LARP1: variants seen among roughly 807,000 people sequenced by gnomAD.
LARP1 encodes the protein La ribonucleoprotein 1, translational regulator, also known as la-related protein 1.
Under a neutral mutation model 122.7 loss-of-function variants are expected in LARP1, and 36 were observed. The observed-to-expected ratio is 0.29, with a 90% CI of 0.22 to 0.39. The LOEUF is 0.39. Ranked by LOEUF, LARP1 falls within the 10% of genes least tolerant of loss-of-function variation. LARP1 has a pLI of 1.00. For missense variants in LARP1, 1,040 were observed against 1,403.6 expected (o/e 0.74, Z 4.14); for synonymous variants, 539 against 528.7 (o/e 1.02, Z -0.27).
intron 1 of LARP1, among the ~76,000 whole-genome samples, chr5:154,714,595 G>A (rs1475090505): frequency 6.6e-6 from 1 of 152,194 alleles, no homozygotes; most frequent in African/African-American, 2.4e-5. Flanking sequence ...GACCCTGGGT[G>A]TAAGTCACTT....
chr5:154,814,848 T>G lies in LARP1; in HGVS notation c.*752T>G, dbSNP rs1759558582. On this transcript the variant is annotated 3_prime_UTR_variant, in exon 19 of 19. Transcript: ENST00000518297. ...TATTTTTCTCTGACCTTTCCATCCTTGAAAAAATGGGGAAAAAAGAAGAAA... is the reference window on the plus strand; with the variant it reads ...TATTTTTCTCTGACCTTTCCATCCTGGAAAAAATGGGGAAAAAAGAAGAAA... The G allele has an allele frequency of 6.9e-6, 1 of 144,428 alleles. No individual in the cohort carries two copies. Among genetic ancestry groups the G allele is most frequent in the Non-Finnish European group, 1.5e-5 (1 of 66,718 alleles). 8.9% of individuals were successfully genotyped at this position (144,428 alleles called of 1,614,324 possible). A position where few individuals can be genotyped will look rare whatever the true frequency, so the allele number is the denominator to read the frequency against.
intron 8 of LARP1, among the ~76,000 whole-genome samples, chr5:154,795,992 ATT>A (rs1165091987): frequency 2.0e-5 from 2 of 101,288 alleles, no homozygotes; most frequent in South Asian, 5.3e-4. Context: ...TATATTATAT[ATT>A]TTTATATATA....
chr5:154,751,454 A>G (rs1455773756), upstream of LARP1, among the ~76,000 whole-genome samples: 1 of 152,250 alleles, frequency 6.6e-6, no homozygotes, highest in East Asian at 1.9e-4. Flanking sequence ...GAGATAATGA[A>G]TATCAAGTAT....
At position 154,799,533 on chromosome 5, in the gene LARP1, A is replaced by G. The variant is rs1758173867; in HGVS notation, c.1378-58A>G. On this transcript the variant is annotated intron_variant, in intron 8 of 18. Transcript: ENST00000518297. The stretch of plus-strand genomic sequence containing the variant: ...GGGAACCCAGTTGTCTACCATTTCC[A>G]AGATCTTTCTGTCCAAGATTTTCTT... The G allele has an allele frequency of 3.2e-6, 5 of 1,584,408 alleles. No individual in the cohort carries two copies. The Middle Eastern group carries it at 5.1e-4, about 161-fold the overall frequency.
At chr5:154,807,929 A>G (rs1227943955) in intron 15 of LARP1, among the ~76,000 whole-genome samples, 1 of 152,182 alleles carries the variant, frequency 6.6e-6, no homozygotes, top group Non-Finnish European at 1.5e-5. Context: ...GTGATTTGCA[A>G]ATATTTTCTC....
At chr5:154,721,698 C>T (rs1755881830) in intron 1 of LARP1, among the ~76,000 whole-genome samples, 1 of 152,188 alleles carries the variant, frequency 6.6e-6, no homozygotes, top group Admixed American at 6.5e-5. Context: ...CAAAGTTTCT[C>T]ATCTCAAGTT....
Position 154,797,218 on chromosome 5 carries a change from GTTGTTTT to G in LARP1, c.1377+1902_1377+1908del, listed in dbSNP as rs1561617897. ...CATGGAGTTATTCTGTTTTGTTGTT[GTTGTTTT>G]TTTTTTTTTTTTTTTTTTTTTTTTT... On this transcript the variant is annotated intron_variant, in intron 8 of 18. Transcript: ENST00000518297. 8.6e-4 allele frequency among the ~76,000 whole-genome samples: 57 copies of G among 66,232 alleles called. 1 individual carries two copies. The highest frequency in any genetic ancestry group is 0.01 in the Middle Eastern group (1 of 98). The allele number at this position is 66,232 out of a possible 152,430, so 43.5% of individuals were successfully genotyped here.
chr5:154,775,153 A>C (rs1258785867), intron 1 of LARP1, among the ~76,000 whole-genome samples: 1 of 151,992 alleles, frequency 6.6e-6, no homozygotes, highest in Non-Finnish European at 1.5e-5. Flanking sequence ...CAAAAATTAA[A>C]ATTAGCTGGG....
At chr5:154,687,429 C>T (rs569928991) in intron 1 of LARP1, among the ~76,000 whole-genome samples, 24 of 152,260 alleles carry the variant, frequency 1.6e-4, no homozygotes, top group South Asian at 8.3e-4. Flanking sequence ...TCACCTAGGC[C>T]GGAGTGCAGT....
chr5:154,793,090 G>C (rs909180237), intron 4 of LARP1, among the ~76,000 whole-genome samples: 4 of 152,168 alleles, frequency 2.6e-5, no homozygotes, highest in Non-Finnish European at 4.4e-5. Context: ...AATACACCAG[G>C]CCTGGTATGG....
At chr5:154,715,185 A>G (rs945524438) in intron 1 of LARP1, among the ~76,000 whole-genome samples, 1 of 151,426 alleles carries the variant, frequency 6.6e-6, no homozygotes, top group African/African-American at 2.4e-5. Context: ...GTCTCAAAAA[A>G]AAGAAGAAAT....
At chr5:154,765,241 T>C (rs533370145) in intron 1 of LARP1, among the ~76,000 whole-genome samples, 39 of 152,308 alleles carry the variant, frequency 2.6e-4, no homozygotes, top group Non-Finnish European at 4.1e-4. Flanking sequence ...ACTCTTTGCT[T>C]TGGGTCTTAT....
At chr5:154,790,209 C>T in intron 1 of LARP1, 116 bp from the exon 2 acceptor site, 1 of 772,846 alleles carries the variant, frequency 1.3e-6, no homozygotes, top group South Asian at 1.8e-5. Context: ...GTGTCTTTCT[C>T]CTTTGGGAAC....
In LARP1 at chr5:154,813,880, G is replaced by A. The variant is rs1561640803; in HGVS notation, c.3082-7G>A. 6.2e-7 allele frequency: 1 copy of A among 1,612,762 alleles called. No homozygotes were observed. Among genetic ancestry groups the A allele is most frequent in the Non-Finnish European group, 8.5e-7 (1 of 1,179,224 alleles). On this transcript the variant is annotated splice_region_variant and splice_polypyrimidine_tract_variant and intron_variant, in intron 18 of 18. Coordinates refer to ENST00000518297, the MANE Select transcript of LARP1 (RefSeq NM_033551.3). ...CTGATCACCTGTGACTCCTTCCTCT[G>A]TTGCAGCCCCCCATGGGTGAGGAGG...
At chr5:154,807,909 T>A (rs12109377) in intron 15 of LARP1, among the ~76,000 whole-genome samples, 1 of 152,254 alleles carries the variant, frequency 6.6e-6, no homozygotes, top group Non-Finnish European at 1.5e-5. Flanking sequence ...GGAATTCCTT[T>A]ATCAAATACG....
intron 1 of LARP1, among the ~76,000 whole-genome samples, chr5:154,724,864 G>A (rs1172088548): frequency 4.6e-5 from 7 of 151,952 alleles, no homozygotes; most frequent in African/African-American, 1.2e-4. Context: ...ATGGGGTTTC[G>A]TCATGTTGCC....
intron 8 of LARP1, among the ~76,000 whole-genome samples, chr5:154,797,369 T>G (rs1440225271): frequency 1.3e-5 from 2 of 151,272 alleles, no homozygotes; most frequent in Non-Finnish European, 2.9e-5. Context: ...AAGTAGCTGG[T>G]ATTACAGGCA....
intron 1 of LARP1, among the ~76,000 whole-genome samples, chr5:154,772,847 C>T (rs1423294009): frequency 1.3e-5 from 2 of 152,014 alleles, no homozygotes; most frequent in Non-Finnish European, 2.9e-5. Context: ...GCTGCCACAC[C>T]CTGCTAATTT....
intron 1 of LARP1, among the ~76,000 whole-genome samples, chr5:154,732,325 G>T (rs1423393656): frequency 6.6e-6 from 1 of 152,148 alleles, no homozygotes; most frequent in Non-Finnish European, 1.5e-5. Flanking sequence ...TGTATTACCA[G>T]CTCTGTAATT....
Sources: gnomAD v4.1 joint callset for allele counts (sites outside exome capture counted in the v4.1 genomes callset) on GRCh38, gnomAD v4.1.1 for gene constraint, MANE v1.5 for transcripts, NCBI Gene and HGNC (gene_info 2026-07-23, HGNC 2026-07-21) for gene names.